PPEF1: variants seen among roughly 807,000 people sequenced by gnomAD.
PPEF1 encodes the protein serine/threonine-protein phosphatase with EF-hands 1.
A neutral mutation model predicts 53.3 loss-of-function variants in PPEF1; 12 were observed. The ratio of observed to expected loss-of-function variants is 0.23; its 90% CI spans 0.14 to 0.36. The LOEUF is 0.36. Among genes scored for constraint, PPEF1 ranks in the 10% least tolerant of loss-of-function variants. The pLI, the probability that PPEF1 is intolerant of heterozygous loss-of-function variation, is 1.00. For synonymous variants in PPEF1, 165 were observed against 176.7 expected, an observed-to-expected ratio of 0.93 and a Z score of 0.52; for missense variants, 334 against 490.4, an observed-to-expected ratio of 0.68 and a Z score of 3.01.
At chrX:18,728,352 C>T (rs1440068095) in intron 1 of PPEF1, among the ~76,000 whole-genome samples, 3 of 110,802 alleles carry the variant, frequency 2.7e-5, no homozygotes, top group Admixed American at 9.7e-5. Context: ...GGAAAAGGTA[C>T]GTCTTACATG....
At chrX:18,786,692 A>C in intron 9 of PPEF1, among the ~76,000 whole-genome samples, 1 of 104,407 alleles carries the variant, frequency 9.6e-6, no homozygotes, top group Non-Finnish European at 2.0e-5. Context: ...CTGAGGCAGG[A>C]GGATCACTTG....
At chrX:18,751,806 A>G (rs867474903) in intron 4 of PPEF1, among the ~76,000 whole-genome samples, 10 of 112,269 alleles carry the variant, frequency 8.9e-5, no homozygotes, top group African/African-American at 3.2e-4. Context: ...AAAAATCTAT[A>G]GGCCATAGAT....
At chrX:18,689,902 A>G (rs1023679768) in intron 3 of PPEF1, among the ~76,000 whole-genome samples, 3 of 111,137 alleles carry the variant, frequency 2.7e-5, no homozygotes, top group African/African-American at 9.8e-5. Flanking sequence ...CCTTAGCTCA[A>G]CTGTATGCTT....
At chrX:18,811,201 C>T (rs535422822) in intron 12 of PPEF1, among the ~76,000 whole-genome samples, 8 of 111,271 alleles carry the variant, frequency 7.2e-5, no homozygotes, top group East Asian at 2.8e-4. Flanking sequence ...TACAGGCATG[C>T]GCCACCATGC....
At chrX:18,811,615 A>T (rs201497787) in intron 12 of PPEF1, among the ~76,000 whole-genome samples, 219 of 8,119 alleles carry the variant, frequency 0.027, no homozygotes, top group Middle Eastern at 0.12. Context: ...ATATATATAT[A>T]TTTTTTTTTT....
upstream of PPEF1, among the ~76,000 whole-genome samples, chrX:18,678,118 G>A (rs1928742384): frequency 1.4e-5 from 1 of 71,708 alleles, no homozygotes; most frequent in African/African-American, 6.0e-5. Context: ...GTGACAGAGT[G>A]AGAACCTGGC....
intron 12 of PPEF1, among the ~76,000 whole-genome samples, chrX:18,813,158 A>T (rs916068265): frequency 9.0e-6 from 1 of 110,795 alleles, no homozygotes; most frequent in African/African-American, 3.3e-5. Context: ...AGGCGGGTGG[A>T]TCACGAGGTC....
chrX:18,749,014 A>G (rs999482618), intron 3 of PPEF1, among the ~76,000 whole-genome samples: 8 of 111,745 alleles, frequency 7.2e-5, no homozygotes, highest in African/African-American at 2.6e-4. Flanking sequence ...CACTTTTGCA[A>G]TCCATCTACC....
chrX:18,703,862 C>A (rs1416763856), upstream of PPEF1, among the ~76,000 whole-genome samples: 3 of 109,019 alleles, frequency 2.8e-5, no homozygotes, highest in African/African-American at 1.0e-4. Flanking sequence ...GTGTTTATGG[C>A]CTACTAAATG....
intron 9 of PPEF1, among the ~76,000 whole-genome samples, chrX:18,788,133 G>A (rs184136659): frequency 0.097 from 10,595 of 109,714 alleles, 491 homozygotes; most frequent in Middle Eastern, 0.23. Flanking sequence ...TGGCTAACAC[G>A]GTGACACCCC....
chrX:18,742,351 A>G lies in PPEF1; in HGVS notation c.236-7441A>G, dbSNP rs189187874. Among the ~76,000 whole-genome samples the G allele has an allele frequency of 3.0e-3, 337 of 111,283 alleles. 3 individuals carry two copies. The highest frequency in any genetic ancestry group is 7.9e-3 in the African/African-American group (242 of 30,621). The stretch of plus-strand genomic sequence containing the variant: ...TATTCATTTTTGGTTATCTATTGCT[A>G]CCTAATAAACTACCCCCACATTTAG... On this transcript the variant is annotated intron_variant, in intron 3 of 15. Coordinates refer to ENST00000470157, the MANE Select transcript of PPEF1 (RefSeq NM_001377996.1).
rs185227830 is a variant in PPEF1, at chrX:18,750,360, G to A, written c.396+408G>A. Reference sequence around the variant, plus strand: ...CCTGGCAACCACTGTTCTATTTTCTGTCTCTATGGATTTGCCTATTCTAGA... The same window carrying A: ...CCTGGCAACCACTGTTCTATTTTCTATCTCTATGGATTTGCCTATTCTAGA... On this transcript the variant is annotated intron_variant, in intron 4 of 15. Coordinates refer to ENST00000470157, the MANE Select transcript of PPEF1 (RefSeq NM_001377996.1). Among the ~76,000 whole-genome samples the A allele has an allele frequency of 2.2e-4, 25 of 111,348 alleles. No individual in the cohort carries two copies. The East Asian group carries it at 7.1e-3, about 31-fold the overall frequency.
chrX:18,688,785 C>T (rs1223871968), intron 3 of PPEF1: 1 of 111,927 alleles, frequency 8.9e-6, no homozygotes, highest in East Asian at 2.8e-4. Context: ...TTAAGAAATA[C>T]ATTGGTTCAG....
chrX:18,815,682 C>T (rs1022244890), intron 12 of PPEF1, among the ~76,000 whole-genome samples: 2 of 111,039 alleles, frequency 1.8e-5, no homozygotes, highest in East Asian at 5.6e-4. Context: ...CCCTCTCACT[C>T]TTGATTTTAG....
chrX:18,773,179 C>T (rs1011182702), intron 6 of PPEF1, among the ~76,000 whole-genome samples: 1 of 112,362 alleles, frequency 8.9e-6, no homozygotes, highest in Admixed American at 9.4e-5. Flanking sequence ...GAATAACACA[C>T]TGTGTATTTT....
chrX:18,713,420 C>CTTTTTTTTTTTTTTTTTTTTTTTTTTTTT (rs55997147), intron 1 of PPEF1, among the ~76,000 whole-genome samples: 2 of 77,517 alleles, frequency 2.6e-5, no homozygotes, highest in African/African-American at 4.9e-5. Flanking sequence ...CCTTAAAATT[C>CTTTTTTTTTTTTTTTTTTTTTTTTTTTTT]TTTTTTTTTT....
intron 3 of PPEF1, chrX:18,688,941 G>A (rs1929209304): frequency 9.0e-6 from 1 of 111,242 alleles, no homozygotes; most frequent in South Asian, 3.8e-4. Context: ...TGGGTTAAGG[G>A]ACTGTGGAGA....
chrX:18,751,075 C>T (rs1314203996), intron 4 of PPEF1, among the ~76,000 whole-genome samples: 2 of 111,518 alleles, frequency 1.8e-5, no homozygotes, highest in Non-Finnish European at 3.8e-5. Flanking sequence ...ATATAAATTC[C>T]GTATCAGATA....
intron 10 of PPEF1, among the ~76,000 whole-genome samples, chrX:18,801,917 G>A (rs2046554104): frequency 9.4e-6 from 1 of 106,069 alleles, no homozygotes; most frequent in South Asian, 4.4e-4. Context: ...CCAGGAGGCG[G>A]AGTTTGCAGT....
Sources: allele counts gnomAD v4.1 joint callset (sites outside exome capture counted in the v4.1 genomes callset), GRCh38; gene constraint gnomAD v4.1.1; transcripts MANE v1.5; gene names NCBI Gene and HGNC (gene_info 2026-07-23, HGNC 2026-07-21).